MCC: variants seen among roughly 807,000 people sequenced by gnomAD.
The protein encoded by MCC is colorectal mutant cancer protein.
In MCC, 90 loss-of-function variants were observed where a neutral mutation model predicts 116.2. That is an observed-to-expected ratio of 0.77 (90% CI 0.65 to 0.92). MCC has a LOEUF of 0.92. Ranked by LOEUF, MCC falls within the 40% of genes least tolerant of loss-of-function variation. The pLI, the probability that MCC is intolerant of heterozygous loss-of-function variation, is 0.00. For missense variants in MCC, 1,516 were observed against 1,312.2 expected (o/e 1.16, Z -2.40); for synonymous variants, 578 against 510.5 (o/e 1.13, Z -1.78).
At chr5:113,413,255 G>A (rs1339415728) in intron 1 of MCC, among the ~76,000 whole-genome samples, 1 of 152,196 alleles carries the variant, frequency 6.6e-6, no homozygotes, top group Non-Finnish European at 1.5e-5. Context: ...GTCTCTGCCA[G>A]CCTTTGATAT....
chr5:113,233,220 C>G (rs1221904891), intron 3 of MCC, among the ~76,000 whole-genome samples: 1 of 152,172 alleles, frequency 6.6e-6, no homozygotes, highest in Non-Finnish European at 1.5e-5. Flanking sequence ...TATTTATTTA[C>G]ATGGCAAGTT....
chr5:113,304,248 T>C (rs1186448042), intron 3 of MCC, among the ~76,000 whole-genome samples: 1 of 152,174 alleles, frequency 6.6e-6, no homozygotes. Context: ...CACTAAAAAA[T>C]AGTTGGGATG....
intron 11 of MCC, among the ~76,000 whole-genome samples, chr5:113,078,072 C>T (rs1754582435): frequency 6.6e-6 from 1 of 152,146 alleles, no homozygotes; most frequent in Non-Finnish European, 1.5e-5. Context: ...AGATAAATTC[C>T]TGGACACATA....
At chr5:113,134,960 T>C (rs1439465391) in intron 5 of MCC, among the ~76,000 whole-genome samples, 1 of 149,284 alleles carries the variant, frequency 6.7e-6, no homozygotes, top group African/African-American at 2.5e-5. Flanking sequence ...TTTTTTTTTT[T>C]AAACAGAGTC....
chr5:113,239,745 TAC>T (rs989930339), intron 3 of MCC, among the ~76,000 whole-genome samples: 14 of 152,224 alleles, frequency 9.2e-5, no homozygotes, highest in African/African-American at 3.4e-4. Flanking sequence ...CTATGGTATA[TAC>T]ACTCACTTTT....
chr5:113,325,525 C>A (rs1042837616), intron 3 of MCC, among the ~76,000 whole-genome samples: 1 of 150,166 alleles, frequency 6.7e-6, no homozygotes, highest in East Asian at 2.0e-4. Flanking sequence ...GCTTCCTAGA[C>A]TTCCCTGCAA....
At chr5:113,304,689 T>G (rs1269470193) in intron 3 of MCC, among the ~76,000 whole-genome samples, 1 of 152,074 alleles carries the variant, frequency 6.6e-6, no homozygotes, top group Non-Finnish European at 1.5e-5. Context: ...TCTCCAAATT[T>G]CTTTAAACTA....
At chr5:113,447,768 C>T (rs556169908) in intron 1 of MCC, among the ~76,000 whole-genome samples, 3 of 152,198 alleles carry the variant, frequency 2.0e-5, no homozygotes, top group South Asian at 4.2e-4. Context: ...GCATATGCTG[C>T]CTCTTAGACT....
At chr5:113,210,724 A>C (rs981020403) in intron 3 of MCC, among the ~76,000 whole-genome samples, 12 of 152,236 alleles carry the variant, frequency 7.9e-5, no homozygotes, top group Admixed American at 7.2e-4. Context: ...AATATCTAGT[A>C]AAGATAGAAT....
rs973777757 is a variant in MCC at position 113,036,823 on chromosome 5, C to T, written c.2756+6707G>A. ...AAATCTCAATTACTCAAGCAACAAC[C>T]CCTCCATCCCTTGAGTGAGCCTCAG... is the stretch of plus-strand genomic sequence containing the variant. On this transcript the variant is annotated intron_variant, in intron 17 of 18. Transcript: ENST00000408903. Among the ~76,000 whole-genome samples the T allele has an allele frequency of 3.9e-5, 6 of 152,146 alleles. 1 individual carries two copies. The highest frequency in any genetic ancestry group is 1.4e-4 in the African/African-American group (6 of 41,414).
At chr5:113,047,004 C>A (rs114448096) in intron 16 of MCC, among the ~76,000 whole-genome samples, 1 of 152,190 alleles carries the variant, frequency 6.6e-6, no homozygotes, top group Admixed American at 6.5e-5. Context: ...AACGTGCTGT[C>A]CCATCAGCCT....
At position 113,068,156 on chromosome 5, in the gene MCC, G is replaced by C. The variant is rs776597922; in HGVS notation, c.1953C>G (p.Leu651=). 13 of 1,614,180 alleles carry C rather than the reference G, an allele frequency of 8.1e-6. No homozygotes were observed. The highest frequency in any genetic ancestry group is 1.1e-5 in the South Asian group (1 of 91,082). ...YSEQCIEAYE[L]LLALAESEQS... is the part of the protein sequence containing the mutation. Reference sequence around the variant, plus strand: ...GCTCACTCTCTGCCAGCGCCAGGAGGAGTTCGTAGGCTTCGATGCACTGCT... The same window carrying C: ...GCTCACTCTCTGCCAGCGCCAGGAGCAGTTCGTAGGCTTCGATGCACTGCT... Residue 651 remains leucine, a synonymous_variant, in exon 13 of 19, where the codon CTC becomes CTG. Coordinates refer to ENST00000408903, the MANE Select transcript of MCC (RefSeq NM_001085377.2).
At chr5:113,077,509 A>G (rs577784199) in intron 11 of MCC, among the ~76,000 whole-genome samples, 20 of 152,338 alleles carry the variant, frequency 1.3e-4, no homozygotes, top group Admixed American at 5.9e-4. Flanking sequence ...AACTCACTCA[A>G]AACTGCATAA....
At chr5:113,148,519 T>C (rs1400544043) in intron 4 of MCC, among the ~76,000 whole-genome samples, 2 of 152,226 alleles carry the variant, frequency 1.3e-5, no homozygotes. Flanking sequence ...ATTTTAATCA[T>C]GGCACTATAA....
At chr5:113,074,940 G>A (rs550066569) in intron 11 of MCC, among the ~76,000 whole-genome samples, 15 of 151,392 alleles carry the variant, frequency 9.9e-5, no homozygotes, top group African/African-American at 2.5e-4. Context: ...CGTCGGCCTC[G>A]GTGTCTGCTC....
chr5:113,155,396 T>C (rs982971495), intron 3 of MCC, among the ~76,000 whole-genome samples: 5 of 152,166 alleles, frequency 3.3e-5, no homozygotes, highest in African/African-American at 4.8e-5. Flanking sequence ...TTTGAACAAA[T>C]ACCCAAGTAG....
chr5:113,291,823 T>C lies in MCC; in HGVS notation c.627+48696A>G, dbSNP rs1306624483. Among the ~76,000 whole-genome samples the C allele has an allele frequency of 4.9e-4, 74 of 152,128 alleles. 1 individual carries two copies. The highest frequency in any genetic ancestry group is 4.6e-3 in the Admixed American group (71 of 15,284). Reference sequence around the variant, plus strand: ...ATCTAATGTGAGGAATACAAACGAATTGTATTTGAATCTATGGATACTGCT... The same window carrying C: ...ATCTAATGTGAGGAATACAAACGAACTGTATTTGAATCTATGGATACTGCT... On this transcript the variant is annotated intron_variant, in intron 3 of 18. Transcript: ENST00000408903.
At position 113,191,869 on chromosome 5, in the gene MCC, G is replaced by A. The variant is rs188739363; in HGVS notation, c.628-40447C>T. ...GTTGTTGTTTTTCTCTCTTCTATGG[G>A]ACAATGTTGGACTTTAACTGATTCA... On this transcript the variant is annotated intron_variant, in intron 3 of 18. Transcript: ENST00000408903. 4.3e-4 allele frequency among the ~76,000 whole-genome samples: 66 copies of A among 152,234 alleles called. 1 individual carries two copies. The highest frequency in any genetic ancestry group is 1.4e-3 in the African/African-American group (59 of 41,530).
intron 8 of MCC, among the ~76,000 whole-genome samples, chr5:113,097,188 C>T (rs1174315692): frequency 1.3e-5 from 2 of 152,120 alleles, no homozygotes; most frequent in African/African-American, 4.8e-5. Context: ...AGATCATTCT[C>T]CATAATCCAT....
Sources: allele counts gnomAD v4.1 joint callset (sites outside exome capture counted in the v4.1 genomes callset), GRCh38; gene constraint gnomAD v4.1.1; transcripts MANE v1.5; gene names NCBI Gene and HGNC (gene_info 2026-07-23, HGNC 2026-07-21).